The following RNF146 variants were observed in gnomAD, a reference collection of about 807,000 sequenced individuals.
RNF146 encodes the protein E3 ubiquitin-protein ligase RNF146.
RNF146 carries 11 observed loss-of-function variants against 29.7 expected under a neutral mutation model. The ratio of observed to expected loss-of-function variants is 0.37; its 90% CI spans 0.23 to 0.61. The LOEUF (loss-of-function observed/expected upper bound fraction) is 0.61, where lower values mean the gene tolerates loss of function less well. Ranked by LOEUF, RNF146 falls within the 20% of genes least tolerant of loss-of-function variation. The pLI is 0.66. For missense variants in RNF146, 342 were observed against 438.9 expected, an observed-to-expected ratio of 0.78 and a Z score of 1.97; for synonymous variants, 150 against 159.7, an observed-to-expected ratio of 0.94 and a Z score of 0.46.
At chr6:127,267,211 A>G (rs950141096) in intron 1 of RNF146, 1 of 152,116 alleles carries the variant, frequency 6.6e-6, no homozygotes, top group African/African-American at 2.4e-5. Flanking sequence ...AGGCAAGACG[A>G]CCGTGACAGC....
At position 127,287,156 on chromosome 6, in the gene RNF146, T is replaced by G. The variant is rs1779620950; in HGVS notation, c.543T>G (p.Leu181=). ...TACCAAAGAAGGGAGTAGCTGGACT[T>G]AGGCTAGACTGTGATGCTAATACCG... ...IDIPKKGVAG[L]RLDCDANTVN... Residue 181 remains leucine, a synonymous_variant, in exon 3 of 3, where the codon CTT becomes CTG. Transcript: ENST00000368314. 4 of 1,613,134 alleles carry G rather than the reference T, an allele frequency of 2.5e-6. No individual in the cohort carries two copies. The highest frequency in any genetic ancestry group is 3.4e-6 in the Non-Finnish European group (4 of 1,179,600).
intron 1 of RNF146, among the ~76,000 whole-genome samples, chr6:127,277,802 C>T (rs1033558158): frequency 6.6e-6 from 1 of 152,122 alleles, no homozygotes; most frequent in Admixed American, 6.5e-5. Flanking sequence ...AACACCCTCA[C>T]AGACACACCC....
intron 1 of RNF146, among the ~76,000 whole-genome samples, chr6:127,276,418 T>C (rs183186355): frequency 1.3e-4 from 19 of 151,562 alleles, no homozygotes; most frequent in African/African-American, 3.9e-4. Flanking sequence ...GACTTTCTCT[T>C]TTTCTCCATG....
upstream of RNF146, chr6:127,266,800 C>T (rs1428246398): frequency 2.0e-5 from 3 of 151,420 alleles, no homozygotes; most frequent in Admixed American, 6.6e-5. Flanking sequence ...GGGTGCGCGG[C>T]GCGTCGCGGC....
rs61326477 is a variant in RNF146 at position 127,283,692 on chromosome 6, G to A, written c.3-2924G>A. Among the ~76,000 whole-genome samples the A allele has an allele frequency of 2.0e-5, 3 of 151,880 alleles. No homozygotes were observed. The East Asian group carries it at 5.8e-4, about 30-fold the overall frequency. On this transcript the variant is annotated intron_variant, in intron 2 of 2. Transcript: ENST00000368314. ...AGAATTAAATAAGAAATATCACTAAGTTTTTCTGCCCATTTGTTAGTTGGT... is the reference window on the plus strand; with the variant it reads ...AGAATTAAATAAGAAATATCACTAAATTTTTCTGCCCATTTGTTAGTTGGT...
In RNF146 at chr6:127,280,299, T is replaced by C. The variant is rs1204334276; in HGVS notation, c.-40T>C. ...GGCTGACTGCTGGTGAAGAAAATGC[T>C]TTATTTTTGTGGCAGGCATCTGTGG... On this transcript the variant is annotated 5_prime_UTR_variant, in exon 2 of 3. Coordinates refer to ENST00000368314, the MANE Select transcript of RNF146 (RefSeq NM_001242850.2). 2 of 1,546,772 alleles carry C rather than the reference T, an allele frequency of 1.3e-6. No homozygotes were observed. The highest frequency in any genetic ancestry group is 1.7e-6 in the Non-Finnish European group (2 of 1,144,260).
Position 127,286,272 on chromosome 6 carries a change from C to A in RNF146, c.3-344C>A. On this transcript the variant is annotated intron_variant, in intron 2 of 2. Coordinates refer to ENST00000368314, the MANE Select transcript of RNF146 (RefSeq NM_001242850.2). The surrounding 1 kb of genome is among the most constrained non-coding windows in gnomAD (Gnocchi z 4.6). ...TCAGATTTTTAGATTTCTTGTCTAG[C>A]ATTCATTTCACTGTATAATAGCTGC... 1 of 960,064 alleles carries A rather than the reference C, an allele frequency of 1.0e-6. No homozygotes were observed. The highest frequency in any genetic ancestry group is 1.4e-6 in the Non-Finnish European group (1 of 739,182). 59.5% of individuals were successfully genotyped at this position (960,064 alleles called of 1,614,324 possible).
At chr6:127,285,485 C>A in intron 2 of RNF146, 15 of 252,810 alleles carry the variant, frequency 5.9e-5, no homozygotes, top group Non-Finnish European at 8.6e-5. Flanking sequence ...GTCTTTTTTA[C>A]TTATCAGTGG....
chr6:127,277,449 C>G (rs1397516339), intron 1 of RNF146, among the ~76,000 whole-genome samples: 1 of 151,856 alleles, frequency 6.6e-6, no homozygotes, highest in Non-Finnish European at 1.5e-5. Flanking sequence ...CTTGTTTAGT[C>G]AGTATATTAG....
chr6:127,271,309 A>G (rs773377870), intron 1 of RNF146, among the ~76,000 whole-genome samples: 3 of 152,194 alleles, frequency 2.0e-5, no homozygotes, highest in Non-Finnish European at 4.4e-5. Context: ...CAGGGTGTAG[A>G]CATTCTTAAC....
Position 127,286,647 on chromosome 6 carries a change from A to G in RNF146, c.34A>G (p.Ile12Val), listed in dbSNP as rs1325120621. Residue 12 changes from isoleucine (I) to valine (V), a missense_variant, in exon 3 of 3, where the codon ATA (isoleucine) becomes GTA (valine). Around this residue, in one of 6 missense-constraint regions of RNF146, gnomAD observed 39 missense variants for 43.1 expected, o/e 0.90. Coordinates refer to ENST00000368314, the MANE Select transcript of RNF146 (RefSeq NM_001242850.2). This position sits in a 1 kb window ranked among gnomAD's most constrained non-coding sequence, Gnocchi z 4.6. ...MAGCGEIDHSINMLPTNRKAN... is the reference protein window; with the variant it reads ...MAGCGEIDHSVNMLPTNRKAN... ...TGGCTGTGGTGAAATTGATCATTCAATAAACATGCTTCCTACAAACAGGAA... is the reference window on the plus strand; with the variant it reads ...TGGCTGTGGTGAAATTGATCATTCAGTAAACATGCTTCCTACAAACAGGAA... The G allele has an allele frequency of 2.5e-6, 4 of 1,611,950 alleles. No individual in the cohort carries two copies. Among genetic ancestry groups the G allele is most frequent in the South Asian group, 2.2e-5 (2 of 90,702 alleles).
chr6:127,270,935 C>T (rs1357296777), intron 1 of RNF146, among the ~76,000 whole-genome samples: 2 of 151,788 alleles, frequency 1.3e-5, no homozygotes, highest in Non-Finnish European at 2.9e-5. Flanking sequence ...CCTGCCTCAG[C>T]CTCCCAATTA....
At chr6:127,275,489 A>C (rs1778073608) in intron 1 of RNF146, among the ~76,000 whole-genome samples, 1 of 152,026 alleles carries the variant, frequency 6.6e-6, no homozygotes, top group South Asian at 2.1e-4. Context: ...TTTTTCATTC[A>C]TCCAAAAAAT....
rs575817814 is a variant in RNF146 at position 127,281,433 on chromosome 6, T to G, written c.2+1093T>G. On this transcript the variant is annotated intron_variant, in intron 2 of 2. Coordinates refer to ENST00000368314, the MANE Select transcript of RNF146 (RefSeq NM_001242850.2). ...AATAGATGCCATATTAAGGTAACAATCAGATGCTATTGAAACTGAACAGAG... is the reference window on the plus strand; with the variant it reads ...AATAGATGCCATATTAAGGTAACAAGCAGATGCTATTGAAACTGAACAGAG... Among the ~76,000 whole-genome samples, 4 of 151,852 alleles carry G rather than the reference T, an allele frequency of 2.6e-5. No individual in the cohort carries two copies. The South Asian group carries it at 8.3e-4, about 31-fold the overall frequency.
intron 1 of RNF146, among the ~76,000 whole-genome samples, chr6:127,276,480 T>C (rs1582876791): frequency 1.3e-5 from 2 of 152,044 alleles, no homozygotes; most frequent in South Asian, 2.1e-4. Flanking sequence ...GTAAGAATTA[T>C]GCAGAAATGG....
rs1009563274 is a variant in RNF146, at chr6:127,287,639, TGTCA to T, written c.1029_1032del (p.Val345AspfsTer11). On this transcript the variant is annotated frameshift_variant, in exon 3 of 3. Coordinates refer to ENST00000368314, the MANE Select transcript of RNF146 (RefSeq NM_001242850.2). LOFTEE classifies it high-confidence loss of function. Reference sequence around the variant, plus strand: ...CAGTAGCAGGGGGTGGAACAGTGAGTGTCAGTGTCAGATCTAGAAGGCCTGATGG... The same window carrying T: ...CAGTAGCAGGGGGTGGAACAGTGAGTGTGTCAGATCTAGAAGGCCTGATGG... 5.0e-6 allele frequency: 8 copies of T among 1,609,750 alleles called. No individual in the cohort carries two copies. Among genetic ancestry groups the T allele is most frequent in the African/African-American group, 2.7e-5 (2 of 74,684 alleles).
At chr6:127,272,026 C>G (rs147420691) in intron 1 of RNF146, among the ~76,000 whole-genome samples, 2 of 152,110 alleles carry the variant, frequency 1.3e-5, no homozygotes, top group Non-Finnish European at 2.9e-5. Context: ...TTAGATAATA[C>G]GTGACCTTTT....
chr6:127,278,581 G>A (rs572569089), intron 1 of RNF146, among the ~76,000 whole-genome samples: 41 of 152,078 alleles, frequency 2.7e-4, no homozygotes, highest in African/African-American at 9.6e-4. Flanking sequence ...CCATTCATCT[G>A]TTGGTAGATA....
rs147016506 is a variant in RNF146, at chr6:127,287,220, A to G, written c.607A>G (p.Ser203Gly). 213 of 1,613,436 alleles carry G rather than the reference A, an allele frequency of 1.3e-4. 1 individual carries two copies. The African/African-American group carries it at 2.5e-3, about 19-fold the overall frequency. Residue 203 changes from serine (S) to glycine (G), a missense_variant, in exon 3 of 3, where the codon AGT becomes GGT. Physicochemically the swap from Ser to Gly is moderately conservative, Grantham distance 56 (BLOSUM62 0). Around this residue, in one of 6 missense-constraint regions of RNF146, gnomAD observed 196 missense variants for 208.9 expected, o/e 0.94. Coordinates refer to ENST00000368314, the MANE Select transcript of RNF146 (RefSeq NM_001242850.2). ...ARESSADGAD[S>G]VSAQSGASVQ... ...AGAGAGCTCTGCTGACGGAGCGGAC[A>G]GTGTATCAGCACAGAGTGGAGCTTC...
Sources: gnomAD v4.1 joint callset for allele counts (sites outside exome capture counted in the v4.1 genomes callset) on GRCh38, gnomAD v4.1.1 for gene constraint, gnomAD v4.1.1 regional missense constraint, Gnocchi (gnomAD v3.1) non-coding constraint, MANE v1.5 for transcripts, NCBI Gene and HGNC (gene_info 2026-07-23, HGNC 2026-07-21) for gene names.